MUC4: variants seen among roughly 807,000 people sequenced by gnomAD.
MUC4 encodes the protein mucin 4, cell surface associated, also known as mucin-4.
MUC4 carries 202 observed loss-of-function variants against 257.9 expected under a neutral mutation model. The ratio of observed to expected loss-of-function variants is 0.78; its 90% CI spans 0.70 to 0.88. The LOEUF (loss-of-function observed/expected upper bound fraction) is 0.88, where lower values mean the gene tolerates loss of function less well. Among genes scored for constraint, MUC4 ranks in the 40% least tolerant of loss-of-function variants. The probability of loss-of-function intolerance (pLI) is 0.00; values close to 1 mark genes in which losing one functional copy is unlikely to be tolerated. For synonymous variants in MUC4, 2,351 were observed against 2,757.1 expected (o/e 0.85, Z 4.62); for missense variants, 5,976 against 6,513.7 (o/e 0.92, Z 2.84).
At position 195,809,328 on chromosome 3, in the gene MUC4, C is replaced by A. The variant is rs73205757; in HGVS notation, c.82+2408G>T. 6.2e-3 allele frequency among the ~76,000 whole-genome samples: 950 copies of A among 152,340 alleles called. 2 individuals carry two copies. Among genetic ancestry groups the A allele is most frequent in the Admixed American group, 0.011 (172 of 15,312 alleles). On this transcript the variant is annotated intron_variant, in intron 1 of 24. Coordinates refer to ENST00000463781, the MANE Select transcript of MUC4 (RefSeq NM_018406.7). ...GGCAAGTGTGCAAACAGACCCTAGACTCAAGTATAGGCAGGTCATCTGTAA... is the reference window on the plus strand; with the variant it reads ...GGCAAGTGTGCAAACAGACCCTAGAATCAAGTATAGGCAGGTCATCTGTAA...
intron 8 of MUC4, 55 bp downstream of exon 8, chr3:195,766,608 G>A (rs1399575018): frequency 1.3e-6 from 2 of 1,508,552 alleles, no homozygotes; most frequent in South Asian, 2.3e-5. Context: ...TGTATGGGCT[G>A]GAGGACACGC....
At chr3:195,766,994 C>T (rs1016145464) in intron 7 of MUC4, among the ~76,000 whole-genome samples, 8 of 152,268 alleles carry the variant, frequency 5.3e-5, no homozygotes, top group African/African-American at 1.9e-4. Context: ...CTGCAAGAAA[C>T]TGGCAGGTCC....
chr3:195,792,112 G>A (rs1012091951), intron 1 of MUC4, among the ~76,000 whole-genome samples: 1 of 152,168 alleles, frequency 6.6e-6, no homozygotes, highest in African/African-American at 2.4e-5. Context: ...AAAAGCACTT[G>A]CAACAAAAGC....
intron 4 of MUC4, among the ~76,000 whole-genome samples, chr3:195,772,243 G>A (rs1459999181): frequency 6.6e-6 from 1 of 151,596 alleles, no homozygotes; most frequent in Non-Finnish European, 1.5e-5. Context: ...GTCGCTCAGG[G>A]GTGTAGACAC....
At chr3:195,795,382 A>C (rs182332083) in intron 1 of MUC4, among the ~76,000 whole-genome samples, 13 of 152,292 alleles carry the variant, frequency 8.5e-5, no homozygotes, top group Admixed American at 2.6e-4. Context: ...GTAGTTCTTT[A>C]TAAAAGTGGC....
chr3:195,788,375 G>T lies in MUC4; in HGVS notation c.3205C>A (p.His1069Asn), dbSNP rs557978362. Residue 1069 changes from histidine to asparagine, a missense_variant, in exon 2 of 25, where the codon CAC becomes AAC. Around this residue, in one of 44 missense-constraint regions of MUC4, gnomAD observed 68 missense variants for 90.4 expected, o/e 0.75. Coordinates refer to ENST00000463781, the MANE Select transcript of MUC4 (RefSeq NM_018406.7). ...VTDTSSASTG[H>N]VTPLPVTSLS... ...CTGGTGACAGGAAGAGGGGTGACGT[G>T]ACCTGTGGATGCTGAGGAAGTGTCA... is the stretch of plus-strand genomic sequence containing the variant. 6.5e-7 allele frequency: 1 copy of T among 1,533,910 alleles called. No individual in the cohort carries two copies. Among genetic ancestry groups the T allele is most frequent in the African/African-American group, 1.5e-5 (1 of 67,994 alleles).
rs774066314 is a variant in MUC4 at position 195,785,896 on chromosome 3, T to TAGG, written c.5683_5684insCCT (p.Asn1895delinsThrTyr). The TAGG allele has an allele frequency of 1.7e-6, 2 of 1,162,816 alleles. No homozygotes were observed. The highest frequency in any genetic ancestry group is 4.3e-5 in the African/African-American group (2 of 46,184). The allele number at this position is 1,162,816 out of a possible 1,614,324, so 72.0% of individuals were successfully genotyped here. A position where few individuals can be genotyped will look rare whatever the true frequency, so the allele number is the denominator to read the frequency against. Reference sequence around the variant, plus strand: ...GGTGGTGTCACCTGTGGATGCTGAGTTAGTGTCGGTGACAGGAAGAGGGGT... The same window carrying TAGG: ...GGTGGTGTCACCTGTGGATGCTGAGTAGGTAGTGTCGGTGACAGGAAGAGGGGT... On this transcript the variant is annotated protein_altering_variant, in exon 2 of 25. Transcript: ENST00000463781.
chr3:195,800,057 C>A (rs1329014328), intron 1 of MUC4, among the ~76,000 whole-genome samples: 1 of 152,118 alleles, frequency 6.6e-6, no homozygotes, highest in Non-Finnish European at 1.5e-5. Context: ...GCGGGTGGAT[C>A]ATTTGAGGTC....
At chr3:195,753,324 C>T (rs1716856888) in intron 19 of MUC4, 94 bp from the exon 20 acceptor site, 1 of 1,313,332 alleles carries the variant, frequency 7.6e-7, no homozygotes, top group Non-Finnish European at 1.1e-6. Context: ...GCTTGCTTTC[C>T]CCCAGTGTTC....
rs59668135 is a variant in MUC4 at position 195,786,872 on chromosome 3, G to T, written c.4708C>A (p.Pro1570Thr). ...SVSTGHTTPL[P>T]VTSPSSASTG... ...GATGCTGAGGAAGGGCTGGTGACAGGAAGAGGGGTGGTGTGACCTGTGGAT... is the reference window on the plus strand; with the variant it reads ...GATGCTGAGGAAGGGCTGGTGACAGTAAGAGGGGTGGTGTGACCTGTGGAT... The change falls in exon 2 of 25, where the codon CCT (proline) becomes ACT (threonine). Residue 1570 changes from proline (P) to threonine (T), a missense_variant. By Grantham distance (38) the Pro-to-Thr change is conservative. Around this residue, in one of 44 missense-constraint regions of MUC4, gnomAD observed 63 missense variants for 68.8 expected, o/e 0.92. Transcript: ENST00000463781. 0.087 allele frequency: 119,861 copies of T among 1,380,854 alleles called. 8,627 individuals are homozygous for T. The highest frequency in any genetic ancestry group is 0.27 in the African/African-American group (14,334 of 53,370). 85.5% of individuals were successfully genotyped at this position (1,380,854 alleles called of 1,614,324 possible).
intron 12 of MUC4, 109 bp from the exon 13 acceptor site, chr3:195,763,054 G>C (rs1376036433): frequency 1.1e-6 from 1 of 943,960 alleles, no homozygotes; most frequent in Non-Finnish European, 1.6e-6. Context: ...GGGCCGGGAG[G>C]AAGGCGCTGG....
intron 5 of MUC4, among the ~76,000 whole-genome samples, chr3:195,771,049 T>C (rs11916511): frequency 0.17 from 5,694 of 32,976 alleles, 110 homozygotes; most frequent in African/African-American, 0.23. Context: ...AGTCTCGTGG[T>C]TGGGTTGGGG....
chr3:195,811,550 G>A (rs547460638), intron 1 of MUC4, among the ~76,000 whole-genome samples, 186 bp downstream of exon 1: 2 of 151,176 alleles, frequency 1.3e-5, no homozygotes, highest in South Asian at 4.2e-4. Flanking sequence ...CCCCCATGTT[G>A]TCCCATTCAT....
Position 195,790,462 on chromosome 3 carries a change from C to T in MUC4, c.1118G>A (p.Gly373Asp). The T allele has an allele frequency of 1.2e-6, 2 of 1,613,916 alleles. No individual in the cohort carries two copies. Among genetic ancestry groups the T allele is most frequent in the Non-Finnish European group, 1.7e-6 (2 of 1,179,846 alleles). The part of the protein sequence containing the change: ...GTVSQETFPS[G>D]ETTTSSPSSV... ...GGAAGGGGATGAGGTGGTTGTTTCA[C>T]CAGAAGGGAATGTCTCCTGAGAAAC... is the stretch of plus-strand genomic sequence containing the variant. The change falls in exon 2 of 25, where the codon GGT (glycine) becomes GAT (aspartate). Residue 373 changes from glycine (G) to aspartate (D), a missense_variant. Around this residue, in one of 44 missense-constraint regions of MUC4, gnomAD observed 1,583 missense variants for 1,257.4 expected, o/e 1.26. Transcript: ENST00000463781.
chr3:195,787,354 A>C lies in MUC4; in HGVS notation c.4226T>G (p.Leu1409Arg). The C allele has an allele frequency of 1.3e-6, 1 of 751,612 alleles. No homozygotes were observed. The allele number at this position is 751,612 out of a possible 1,614,324, so 46.6% of individuals were successfully genotyped here. A position where few individuals can be genotyped will look rare whatever the true frequency, so the allele number is the denominator to read the frequency against. Residue 1409 changes from leucine (L) to arginine (R), a missense_variant, in exon 2 of 25, where the codon CTT becomes CGT. By Grantham distance (102) the Leu-to-Arg change is moderately radical. This residue lies in a region of MUC4 where 58 missense variants were observed against 65.4 expected (regional missense o/e 0.89). Coordinates refer to ENST00000463781, the MANE Select transcript of MUC4 (RefSeq NM_018406.7). ...TGCTGAGGAAGTGTCGGTGACAAGA[A>C]GAGGGGTGGCGTGACCTGTGGATGC... ...SSASTGHATP[L>R]LVTDTSSAST...
At position 195,747,344 on chromosome 3, in the gene MUC4, C is replaced by T; in HGVS notation, c.16071G>A (p.Glu5357=). 1.2e-6 allele frequency: 2 copies of T among 1,614,062 alleles called. No homozygotes were observed. The highest frequency in any genetic ancestry group is 1.7e-6 in the Non-Finnish European group (2 of 1,179,904). ...GTTTCATGCTCAGGTGCTCACAGTG[C>T]TCGCCCCAGGCCGTGTAGATGGAGA... The part of the protein sequence containing the change: ...VSFSIYTAWG[E]HCEHLSMKLD... The change falls in exon 25 of 25, where the codon GAG becomes GAA. Residue 5357 remains glutamate, a synonymous_variant. Coordinates refer to ENST00000463781, the MANE Select transcript of MUC4 (RefSeq NM_018406.7).
chr3:195,753,714 G>A (rs562959882), intron 19 of MUC4: 1 of 189,662 alleles, frequency 5.3e-6, no homozygotes, highest in South Asian at 1.4e-4. Flanking sequence ...AGGAACAGAT[G>A]GCTGGGAGGA....
chr3:195,759,854 G>C (rs1475501118), intron 16 of MUC4, among the ~76,000 whole-genome samples: 1 of 141,726 alleles, frequency 7.1e-6, no homozygotes, highest in Non-Finnish European at 1.6e-5. Flanking sequence ...GGGAAGCAGA[G>C]GTTGCGACGA....
At position 195,800,591 on chromosome 3, in the gene MUC4, T is replaced by C. The variant is rs962557575; in HGVS notation, c.83-9094A>G. ...CCTCTGAAGCCACTCCTGCAATAGATTGATTATTCAGCTGTTTAGGAAAAC... is the reference window on the plus strand; with the variant it reads ...CCTCTGAAGCCACTCCTGCAATAGACTGATTATTCAGCTGTTTAGGAAAAC... On this transcript the variant is annotated intron_variant, in intron 1 of 24. Coordinates refer to ENST00000463781, the MANE Select transcript of MUC4 (RefSeq NM_018406.7). Among the ~76,000 whole-genome samples, 18 of 152,314 alleles carry C rather than the reference T, an allele frequency of 1.2e-4. 1 individual carries two copies. In the Middle Eastern group the frequency reaches 0.031, roughly 259 times the overall value.
Sources: allele counts gnomAD v4.1 joint callset (sites outside exome capture counted in the v4.1 genomes callset), GRCh38; gene constraint gnomAD v4.1.1; regional missense constraint gnomAD v4.1.1; transcripts MANE v1.5; gene names NCBI Gene and HGNC (gene_info 2026-07-23, HGNC 2026-07-21).